MYO5A: variants seen among roughly 807,000 people sequenced by gnomAD.
MYO5A encodes the protein unconventional myosin-Va.
A neutral mutation model predicts 249.7 loss-of-function variants in MYO5A; 98 were observed. The observed-to-expected ratio is 0.39, with a 90% CI of 0.33 to 0.46. The LOEUF is 0.46. Ranked by LOEUF, MYO5A falls within the 20% of genes least tolerant of loss-of-function variation. The pLI is 0.98. For missense variants in MYO5A, 1,696 were observed against 2,308.8 expected, an observed-to-expected ratio of 0.73 and a Z score of 5.44; for synonymous variants, 778 against 810.6, an observed-to-expected ratio of 0.96 and a Z score of 0.68.
intron 1 of MYO5A, among the ~76,000 whole-genome samples, chr15:52,484,079 T>A (rs17707984): frequency 0.15 from 22,875 of 152,090 alleles, 1,834 homozygotes; most frequent in Middle Eastern, 0.22. Context: ...TGACACATGA[T>A]CAAGTAGGCC....
intron 36 of MYO5A, among the ~76,000 whole-genome samples, chr15:52,327,234 T>C (rs2038652300): frequency 6.6e-6 from 1 of 152,236 alleles, no homozygotes; most frequent in Admixed American, 6.5e-5. Flanking sequence ...CTACTAAATA[T>C]TGTTTAGTTC....
At chr15:52,428,825 C>T (rs367993536) in intron 2 of MYO5A, among the ~76,000 whole-genome samples, 8 of 152,312 alleles carry the variant, frequency 5.3e-5, no homozygotes, top group African/African-American at 1.7e-4. Flanking sequence ...TTTTCACCCA[C>T]GTACTGAATC....
intron 8 of MYO5A, 35 bp downstream of exon 8, chr15:52,407,257 T>C (rs751734220): frequency 6.7e-7 from 1 of 1,485,202 alleles, no homozygotes; most frequent in Admixed American, 1.7e-5. Flanking sequence ...AAAAAAGCTA[T>C]TCCTCTTAAG....
intron 1 of MYO5A, chr15:52,505,938 G>A: frequency 1.5e-6 from 2 of 1,335,696 alleles, no homozygotes; most frequent in Non-Finnish European, 2.0e-6. Context: ...TCTTGGCTGG[G>A]CGCAGTGGCT....
chr15:52,405,767 C>T (rs945573656), intron 8 of MYO5A, among the ~76,000 whole-genome samples: 2 of 152,190 alleles, frequency 1.3e-5, no homozygotes, highest in African/African-American at 4.8e-5. Flanking sequence ...ACATAGCATA[C>T]TTAATACACG....
intron 1 of MYO5A, among the ~76,000 whole-genome samples, chr15:52,479,289 T>C (rs138231689): frequency 1.7e-3 from 254 of 152,274 alleles, no homozygotes; most frequent in African/African-American, 5.9e-3. Flanking sequence ...ATTTTAACTT[T>C]TTATAATAGA....
At position 52,308,872 on chromosome 15, in the gene MYO5A, A is replaced by AT. The variant is rs1266939268; in HGVS notation, c.*4823dup. The stretch of plus-strand genomic sequence containing the variant: ...CCTGAGAACAAATTACAATGCACTC[A>AT]TCCATGAACAGAGGTCACGGCAATA... On this transcript the variant is annotated 3_prime_UTR_variant, in exon 42 of 42. Coordinates refer to ENST00000399233, the MANE Select transcript of MYO5A (RefSeq NM_001382347.1). 23 of 153,054 alleles carry AT rather than the reference A, an allele frequency of 1.5e-4. No individual in the cohort carries two copies. The highest frequency in any genetic ancestry group is 5.0e-4 in the African/African-American group (21 of 41,598). The allele number at this position is 153,054 out of a possible 1,614,324, so 9.5% of individuals were successfully genotyped here.
chr15:52,489,332 G>A (rs945841862), intron 1 of MYO5A, among the ~76,000 whole-genome samples: 7 of 151,456 alleles, frequency 4.6e-5, no homozygotes, highest in Non-Finnish European at 1.0e-4. Context: ...TGGGAGGCCG[G>A]GGCGGGCGGA....
rs760083296 is a variant in MYO5A at position 52,367,024 on chromosome 15, G to A, written c.3160+7C>T. 3.7e-6 allele frequency: 6 copies of A among 1,612,804 alleles called. No individual in the cohort carries two copies. Among genetic ancestry groups the A allele is most frequent in the East Asian group, 2.2e-5 (1 of 44,866 alleles). ...TGGTTGGCGTGTAGTACGCATATAA[G>A]CTTTACCTGTCATCTCCTTAGCCTG... On this transcript the variant is annotated splice_region_variant and intron_variant, in intron 23 of 41. Coordinates refer to ENST00000399233, the MANE Select transcript of MYO5A (RefSeq NM_001382347.1).
Position 52,505,269 on chromosome 15 carries a change from G to GTA in MYO5A, c.27+23509_27+23510dup, listed in dbSNP as rs2077245519. 3.9e-6 allele frequency: 3 copies of GTA among 776,028 alleles called. No individual in the cohort carries two copies. The South Asian group carries it at 4.0e-5, about 10-fold the overall frequency. The allele number at this position is 776,028 out of a possible 1,614,324, so 48.1% of individuals were successfully genotyped here. A position where few individuals can be genotyped will look rare whatever the true frequency, so the allele number is the denominator to read the frequency against. On this transcript the variant is annotated intron_variant, in intron 1 of 41. Coordinates refer to ENST00000399233, the MANE Select transcript of MYO5A (RefSeq NM_001382347.1). ...TGACAGACAAGAGCTACATCAAGGGGTATGTGCCATCACAAGCAGATGTGG... is the reference window on the plus strand; with the variant it reads ...TGACAGACAAGAGCTACATCAAGGGGTATATGTGCCATCACAAGCAGATGTGG...
intron 37 of MYO5A, among the ~76,000 whole-genome samples, chr15:52,322,122 T>C (rs8041819): frequency 0.095 from 14,415 of 152,250 alleles, 2,117 homozygotes; most frequent in African/African-American, 0.32. Flanking sequence ...TAACACGTTG[T>C]TTGCCTGATG....
intron 1 of MYO5A, among the ~76,000 whole-genome samples, chr15:52,463,415 A>G (rs532924277): frequency 6.6e-6 from 1 of 152,334 alleles, no homozygotes; most frequent in Admixed American, 6.5e-5. Context: ...TTCTTAAGAC[A>G]TATAAAACTA....
chr15:52,327,565 G>A (rs1303959761), intron 36 of MYO5A, among the ~76,000 whole-genome samples: 1 of 152,078 alleles, frequency 6.6e-6, no homozygotes, highest in Non-Finnish European at 1.5e-5. Context: ...AAATTAGCTG[G>A]GCATGGTGGT....
chr15:52,491,939 G>T (rs1298262195), intron 1 of MYO5A, among the ~76,000 whole-genome samples: 1 of 152,144 alleles, frequency 6.6e-6, no homozygotes, highest in Non-Finnish European at 1.5e-5. Flanking sequence ...GATAGAGTAC[G>T]AACCTATAGC....
At chr15:52,477,851 C>T (rs1215040891) in intron 1 of MYO5A, among the ~76,000 whole-genome samples, 1 of 152,228 alleles carries the variant, frequency 6.6e-6, no homozygotes, top group Non-Finnish European at 1.5e-5. Context: ...TTAGGCTACT[C>T]AGGGGTCAGG....
At chr15:52,441,336 G>A (rs1567129988) in intron 1 of MYO5A, among the ~76,000 whole-genome samples, 1 of 152,118 alleles carries the variant, frequency 6.6e-6, no homozygotes, top group Non-Finnish European at 1.5e-5. Context: ...GTCTGCATGT[G>A]TGTGTATACA....
At chr15:52,515,104 C>G (rs1595828824) in intron 1 of MYO5A, among the ~76,000 whole-genome samples, 1 of 151,836 alleles carries the variant, frequency 6.6e-6, no homozygotes, top group South Asian at 2.1e-4. Context: ...ACAGTGAGAC[C>G]CTGTTTCCAA....
intron 20 of MYO5A, among the ~76,000 whole-genome samples, 162 bp from the exon 21 acceptor site, chr15:52,372,525 G>C (rs990106413): frequency 2.0e-5 from 3 of 152,100 alleles, no homozygotes; most frequent in African/African-American, 7.2e-5. Flanking sequence ...ATATATGGAG[G>C]CTACAAAATT....
intron 1 of MYO5A, among the ~76,000 whole-genome samples, chr15:52,494,405 A>T (rs1487718656): frequency 1.3e-5 from 2 of 152,226 alleles, no homozygotes; most frequent in East Asian, 3.8e-4. Context: ...ATCATTTAGT[A>T]TTGGGTTACA....
Sources: gnomAD v4.1 joint callset for allele counts (sites outside exome capture counted in the v4.1 genomes callset) on GRCh38, gnomAD v4.1.1 for gene constraint, MANE v1.5 for transcripts, NCBI Gene and HGNC (gene_info 2026-07-23, HGNC 2026-07-21) for gene names.